MSH3: variants seen among roughly 807,000 people sequenced by gnomAD.
MSH3 encodes the protein mutS homolog 3, also known as DNA mismatch repair protein Msh3.
MSH3 carries 106 observed loss-of-function variants against 123.3 expected under a neutral mutation model. That is an observed-to-expected ratio of 0.86 (90% CI 0.73 to 1.01). The LOEUF (loss-of-function observed/expected upper bound fraction) is 1.01, where lower values mean the gene tolerates loss of function less well. Ranked by LOEUF, MSH3 falls within the 50% of genes least tolerant of loss-of-function variation. The probability of loss-of-function intolerance (pLI) is 0.00; values close to 1 mark genes in which losing one functional copy is unlikely to be tolerated. For missense variants in MSH3, 1,459 were observed against 1,347.6 expected (o/e 1.08, Z -1.29); for synonymous variants, 515 against 481.4 (o/e 1.07, Z -0.91).
At position 80,730,496 on chromosome 5, in the gene MSH3, A is replaced by G. The variant is rs534247644; in HGVS notation, c.1568+1531A>G. Among the ~76,000 whole-genome samples, 222 of 152,252 alleles carry G rather than the reference A, an allele frequency of 1.5e-3. 2 individuals are homozygous for G. The highest frequency in any genetic ancestry group is 6.8e-3 in the Middle Eastern group (2 of 294). On this transcript the variant is annotated intron_variant, in intron 10 of 23. Coordinates refer to ENST00000265081, the MANE Select transcript of MSH3 (RefSeq NM_002439.5). ...TGATGTTTCATTTCTGAATGTGGGTATTGTATTAATCTATACATTTTTTAG... is the reference window on the plus strand; with the variant it reads ...TGATGTTTCATTTCTGAATGTGGGTGTTGTATTAATCTATACATTTTTTAG...
intron 21 of MSH3, among the ~76,000 whole-genome samples, chr5:80,857,746 A>T (rs1020802029): frequency 6.6e-6 from 1 of 152,048 alleles, no homozygotes; most frequent in Non-Finnish European, 1.5e-5. Flanking sequence ...TGTCCTTTTC[A>T]TTTCTGATAT....
In MSH3 at chr5:80,692,659, T is replaced by C. The variant is rs1049180563; in HGVS notation, c.1340+13566T>C. On this transcript the variant is annotated intron_variant, in intron 8 of 23. Transcript: ENST00000265081. ...TTATATATGTTTATATAGATATATA[T>C]ATACACATGTATATGTTTATGTTTA... Among the ~76,000 whole-genome samples, 55 of 138,638 alleles carry C rather than the reference T, an allele frequency of 4.0e-4. 1 individual carries two copies. Among genetic ancestry groups the C allele is most frequent in the East Asian group, 3.2e-3 (14 of 4,414 alleles). 91.0% of individuals were successfully genotyped at this position (138,638 alleles called of 152,430 possible).
chr5:80,875,332 G>A (rs1746289232), intron 23 of MSH3, among the ~76,000 whole-genome samples: 1 of 151,980 alleles, frequency 6.6e-6, no homozygotes, highest in African/African-American at 2.4e-5. Flanking sequence ...AAAAAAGTAA[G>A]TCTGTGTTAT....
chr5:80,778,815 C>A lies in MSH3; in HGVS notation c.2414C>A (p.Ala805Asp), dbSNP rs1580045688. 6.3e-7 allele frequency: 1 copy of A among 1,586,904 alleles called. No homozygotes were observed. Among genetic ancestry groups the A allele is most frequent in the Non-Finnish European group, 8.7e-7 (1 of 1,155,298 alleles). Residue 805 changes from alanine (A) to aspartate (D), a missense_variant, in exon 17 of 24, where the codon GCT becomes GAT. Ala to Asp is a moderately radical substitution (Grantham distance 126, BLOSUM62 -2). Transcript: ENST00000265081. ...GAGCAGCTAGTCCTTGACTGCAGTG[C>A]TGAATGGCTTGATTTTCTAGAGTGA... ...LREQLVLDCS[A>D]EWLDFLEKFS...
rs1253065403 is a variant in MSH3 at position 80,769,028 on chromosome 5, T to C, written c.2253+25T>C. ...GGTAATGTCAAGCTTACTTTTATTTTCTATTAGTTTTACTCTAGTAGAAAA... is the reference window on the plus strand; with the variant it reads ...GGTAATGTCAAGCTTACTTTTATTTCCTATTAGTTTTACTCTAGTAGAAAA... On this transcript the variant is annotated intron_variant, in intron 15 of 23. Transcript: ENST00000265081. 4 of 1,597,092 alleles carry C rather than the reference T, an allele frequency of 2.5e-6. No homozygotes were observed. The African/African-American group carries it at 4.0e-5, about 16-fold the overall frequency.
chr5:80,796,715 A>G (rs1448821950), intron 19 of MSH3, among the ~76,000 whole-genome samples: 1 of 152,198 alleles, frequency 6.6e-6, no homozygotes. Context: ...GTGCTTCTGA[A>G]TAAGCCAACT....
At position 80,764,991 on chromosome 5, in the gene MSH3, C is replaced by G. The variant is rs573073614; in HGVS notation, c.1897-2942C>G. On this transcript the variant is annotated intron_variant, in intron 13 of 23. Transcript: ENST00000265081. The stretch of plus-strand genomic sequence containing the variant: ...ATACTTGTGGGTCTGTGCTCAAGCT[C>G]TCCCAGTGAGACAGCTGCTGCCAGA... Among the ~76,000 whole-genome samples, 452 of 152,274 alleles carry G rather than the reference C, an allele frequency of 3.0e-3. 1 individual carries two copies. Among genetic ancestry groups the G allele is most frequent in the Admixed American group, 8.9e-3 (136 of 15,290 alleles).
At position 80,748,721 on chromosome 5, in the gene MSH3, CACACACACACA is replaced by C. The variant is rs759197378; in HGVS notation, c.1763+4107_1763+4117del. The stretch of plus-strand genomic sequence containing the variant: ...ACACACACACACACACACACACACA[CACACACACACA>C]CCCATATGTATGTCATTGGTTTTGT... On this transcript the variant is annotated intron_variant, in intron 12 of 23. Coordinates refer to ENST00000265081, the MANE Select transcript of MSH3 (RefSeq NM_002439.5). Among the ~76,000 whole-genome samples, 151 of 150,766 alleles carry C rather than the reference CACACACACACA, an allele frequency of 1.0e-3. No homozygotes were observed. In the Middle Eastern group the frequency reaches 0.031, roughly 31 times the overall value.
chr5:80,748,723 CACACACACA>C (rs1561465031), intron 12 of MSH3, among the ~76,000 whole-genome samples: 276 of 139,102 alleles, frequency 2.0e-3, no homozygotes, highest in African/African-American at 4.7e-3. Flanking sequence ...CACACACACA[CACACACACA>C]CCCATATGTA....
intron 19 of MSH3, among the ~76,000 whole-genome samples, chr5:80,808,520 A>T (rs1279374190): frequency 6.6e-6 from 1 of 152,102 alleles, no homozygotes; most frequent in African/African-American, 2.4e-5. Flanking sequence ...TTAGTGGTGG[A>T]TGGTGTCGGG....
intron 19 of MSH3, among the ~76,000 whole-genome samples, chr5:80,796,928 T>G (rs965839127): frequency 7.2e-5 from 11 of 152,250 alleles, no homozygotes; most frequent in African/African-American, 2.4e-4. Flanking sequence ...ACTCTCCCTT[T>G]TGAATTCATA....
intron 19 of MSH3, among the ~76,000 whole-genome samples, chr5:80,803,590 A>G (rs1580059380): frequency 8.0e-6 from 1 of 124,518 alleles, no homozygotes; most frequent in South Asian, 2.5e-4. Flanking sequence ...ATGTGATCCC[A>G]TTTGTCCATT....
intron 7 of MSH3, among the ~76,000 whole-genome samples, chr5:80,675,991 G>A (rs836812): frequency 0.39 from 59,431 of 152,002 alleles, 12,047 homozygotes; most frequent in African/African-American, 0.51. Flanking sequence ...ATTATTTACA[G>A]TCAGTTTTCT....
rs1478975248 is a variant in MSH3, at chr5:80,665,130, T to C, written c.359-13T>C. Reference sequence around the variant, plus strand: ...TTACTATTGTTCTGTTTTCTTCTTATTTGCTGCCTAAGAGCCAAAGAAATG... The same window carrying C: ...TTACTATTGTTCTGTTTTCTTCTTACTTGCTGCCTAAGAGCCAAAGAAATG... On this transcript the variant is annotated splice_polypyrimidine_tract_variant and intron_variant, in intron 2 of 23. Coordinates refer to ENST00000265081, the MANE Select transcript of MSH3 (RefSeq NM_002439.5). 5 of 1,607,876 alleles carry C rather than the reference T, an allele frequency of 3.1e-6. No individual in the cohort carries two copies. The highest frequency in any genetic ancestry group is 4.3e-6 in the Non-Finnish European group (5 of 1,174,792).
intron 6 of MSH3, 144 bp from the exon 7 acceptor site, chr5:80,674,839 T>C (rs991066892): frequency 2.8e-6 from 2 of 711,104 alleles, no homozygotes; most frequent in South Asian, 2.0e-5. Flanking sequence ...CTTGGCCTCC[T>C]AAAGTGCTGG....
chr5:80,654,952 G>A lies in MSH3; in HGVS notation c.225G>A (p.Leu75=), dbSNP rs757491337. ...CAGCTCCCGCCTTCCCGCCCCAGCT[G>A]CCGCCGCACATAGTAGGTTCTGTCT... ...APPAPAFPPQ[L]PPHIATEIDR... is the part of the protein sequence containing the mutation. Residue 75 remains leucine, a synonymous_variant, in exon 1 of 24, where the codon CTG becomes CTA. Coordinates refer to ENST00000265081, the MANE Select transcript of MSH3 (RefSeq NM_002439.5). 1 of 1,471,840 alleles carries A rather than the reference G, an allele frequency of 6.8e-7. No homozygotes were observed. Among genetic ancestry groups the A allele is most frequent in the East Asian group, 2.7e-5 (1 of 36,914 alleles). The allele number at this position is 1,471,840 out of a possible 1,614,324, so 91.2% of individuals were successfully genotyped here.
chr5:80,754,916 A>G (rs1382969636), intron 12 of MSH3, among the ~76,000 whole-genome samples: 1 of 152,194 alleles, frequency 6.6e-6, no homozygotes, highest in East Asian at 1.9e-4. Context: ...ATTTGTGTTA[A>G]TGAAACCAAA....
At chr5:80,771,558 T>C (rs1324013562) in intron 15 of MSH3, among the ~76,000 whole-genome samples, 1 of 152,078 alleles carries the variant, frequency 6.6e-6, no homozygotes, top group Non-Finnish European at 1.5e-5. Context: ...CCATCAAATA[T>C]GATTATCTCT....
intron 15 of MSH3, among the ~76,000 whole-genome samples, chr5:80,770,115 A>G (rs894437169): frequency 2.0e-5 from 3 of 152,302 alleles, no homozygotes; most frequent in Non-Finnish European, 4.4e-5. Flanking sequence ...ATTTAATTGT[A>G]ACTCTTGTTT....
Sources: gnomAD v4.1 joint callset for allele counts (sites outside exome capture counted in the v4.1 genomes callset) on GRCh38, gnomAD v4.1.1 for gene constraint, MANE v1.5 for transcripts, NCBI Gene and HGNC (gene_info 2026-07-23, HGNC 2026-07-21) for gene names.